The following ATP2C1 variants were observed in gnomAD, a reference collection of about 807,000 sequenced individuals.
ATP2C1 encodes ATPase secretory pathway Ca2+ transporting 1.
In ATP2C1, 31 loss-of-function variants were observed where a neutral mutation model predicts 120.5. The observed-to-expected ratio is 0.26, with a 90% CI of 0.19 to 0.35. The LOEUF is 0.35. Among genes scored for constraint, ATP2C1 ranks in the 10% least tolerant of loss-of-function variants. The pLI is 1.00. For missense variants in ATP2C1, 731 were observed against 1,107.5 expected, an observed-to-expected ratio of 0.66 and a Z score of 4.83; for synonymous variants, 351 against 358.7, an observed-to-expected ratio of 0.98 and a Z score of 0.24.
At chr3:130,955,984 TG>T (rs1176565300) in intron 10 of ATP2C1, 119 bp from the exon 11 acceptor site, 20 of 726,298 alleles carry the variant, frequency 2.8e-5, no homozygotes, top group Non-Finnish European at 5.1e-5. Context: ...ATTTACCTTA[TG>T]GGAGAGTTGT....
Position 131,001,447 on chromosome 3 carries a change from T to A in ATP2C1, c.*97T>A. On this transcript the variant is annotated 3_prime_UTR_variant, in exon 28 of 28. Coordinates refer to ENST00000510168, the MANE Select transcript of ATP2C1 (RefSeq NM_001378687.1). ...AGGATATGAAGATTTGAGAACTTTT[T>A]AACTATTCATTGACTAAAAATGAAC... The A allele has an allele frequency of 1.3e-6, 2 of 1,497,702 alleles. No individual in the cohort carries two copies. Among genetic ancestry groups the A allele is most frequent in the South Asian group, 1.3e-5 (1 of 74,876 alleles). The allele number at this position is 1,497,702 out of a possible 1,614,324, so 92.8% of individuals were successfully genotyped here. A position where few individuals can be genotyped will look rare whatever the true frequency, so the allele number is the denominator to read the frequency against.
At chr3:130,982,574 A>C (rs1022971381) in intron 20 of ATP2C1, among the ~76,000 whole-genome samples, 6 of 152,300 alleles carry the variant, frequency 3.9e-5, no homozygotes, top group African/African-American at 1.4e-4. Flanking sequence ...ATGCACATCT[A>C]TTTGTATGTC....
At chr3:130,965,339 A>G (rs2061005373) in intron 14 of ATP2C1, among the ~76,000 whole-genome samples, 1 of 152,074 alleles carries the variant, frequency 6.6e-6, no homozygotes, top group Admixed American at 6.6e-5. Flanking sequence ...CATCTACTTT[A>G]TAGCCAGCTT....
intron 1 of ATP2C1, among the ~76,000 whole-genome samples, chr3:130,864,113 G>C (rs1045012336): frequency 4.6e-5 from 7 of 152,204 alleles, no homozygotes; most frequent in African/African-American, 1.4e-4. Context: ...GAATGGCTTT[G>C]TCCAAAATGC....
intron 21 of ATP2C1, 65 bp downstream of exon 21, chr3:130,993,066 A>T: frequency 7.1e-7 from 1 of 1,406,574 alleles, no homozygotes; most frequent in Non-Finnish European, 1.0e-6. Context: ...TACTTTTGTT[A>T]TGTTTGCATT....
chr3:130,864,501 T>C (rs936613837), intron 1 of ATP2C1, among the ~76,000 whole-genome samples: 1 of 152,264 alleles, frequency 6.6e-6, no homozygotes, highest in Non-Finnish European at 1.5e-5. Context: ...AGGAGCCTAA[T>C]GATAATCCCC....
At chr3:130,969,264 G>C (rs762328828) in intron 16 of ATP2C1, 28 bp from the exon 17 acceptor site, 1 of 1,492,880 alleles carries the variant, frequency 6.7e-7, no homozygotes, top group Non-Finnish European at 9.3e-7. Flanking sequence ...ATATAGGTGA[G>C]AATTAACTTT....
Position 130,959,337 on chromosome 3 carries a change from G to T in ATP2C1, c.895G>T (p.Val299Leu), listed in dbSNP as rs768377452. 1 of 1,601,090 alleles carries T rather than the reference G, an allele frequency of 6.2e-7. No individual in the cohort carries two copies. ...TATCCTGGAAATGTTTACTATTAGTGTAAGGTAAGTCTCAATACTTTATAA... is the reference window on the plus strand; with the variant it reads ...TATCCTGGAAATGTTTACTATTAGTTTAAGGTAAGTCTCAATACTTTATAA... ...KDILEMFTIS[V>L]SLAVAAIPEG... Residue 299 changes from valine (V) to leucine (L), a missense_variant, in exon 12 of 28, where the codon GTA becomes TTA. Coordinates refer to ENST00000510168, the MANE Select transcript of ATP2C1 (RefSeq NM_001378687.1).
Position 130,964,247 on chromosome 3 carries a change from G to A in ATP2C1, c.1024+152G>A, listed in dbSNP as rs554213441. 47 of 1,146,344 alleles carry A rather than the reference G, an allele frequency of 4.1e-5. No individual in the cohort carries two copies. The South Asian group carries it at 6.4e-4, about 16-fold the overall frequency. The allele number at this position is 1,146,344 out of a possible 1,614,324, so 71.0% of individuals were successfully genotyped here. A position where few individuals can be genotyped will look rare whatever the true frequency, so the allele number is the denominator to read the frequency against. On this transcript the variant is annotated intron_variant, in intron 13 of 27. Transcript: ENST00000510168. ...GGATATGGTTTTAACAACCAAAAAA[G>A]GCAATTAAAAATTCCTATCCCTTAG...
chr3:130,935,130 G>T (rs190476526), intron 5 of ATP2C1, among the ~76,000 whole-genome samples: 3 of 152,124 alleles, frequency 2.0e-5, no homozygotes, highest in Non-Finnish European at 4.4e-5. Context: ...CACTGTGCCT[G>T]GCTCAAATTC....
chr3:130,906,621 G>A (rs1027239454), intron 2 of ATP2C1, among the ~76,000 whole-genome samples: 17 of 150,258 alleles, frequency 1.1e-4, no homozygotes, highest in Admixed American at 1.1e-3. Flanking sequence ...CCCACTAGCA[G>A]TGTATGAGGC....
chr3:131,002,649 A>G lies in ATP2C1; in HGVS notation c.*1299A>G, dbSNP rs1057463615. On this transcript the variant is annotated 3_prime_UTR_variant, in exon 28 of 28. Coordinates refer to ENST00000510168, the MANE Select transcript of ATP2C1 (RefSeq NM_001378687.1). ...AAATTTGTTTTTCTGTTGAGTATAT[A>G]AACAAAAATTGGTCCCAATTCTAAC... is the stretch of plus-strand genomic sequence containing the variant. 2.3e-5 allele frequency: 23 copies of G among 985,400 alleles called. No individual in the cohort carries two copies. The highest frequency in any genetic ancestry group is 1.4e-4 in the African/African-American group (8 of 57,362). 61.0% of individuals were successfully genotyped at this position (985,400 alleles called of 1,614,324 possible).
chr3:130,938,328 A>C (rs1325808276), intron 6 of ATP2C1, among the ~76,000 whole-genome samples: 1 of 152,242 alleles, frequency 6.6e-6, no homozygotes, highest in Admixed American at 6.5e-5. Context: ...CATGGTTAAC[A>C]AGAATAGAAT....
Position 131,001,409 on chromosome 3 carries a change from G to T in ATP2C1, c.*59G>T. 4 of 1,595,212 alleles carry T rather than the reference G, an allele frequency of 2.5e-6. No individual in the cohort carries two copies. The highest frequency in any genetic ancestry group is 2.6e-6 in the Non-Finnish European group (3 of 1,170,630). On this transcript the variant is annotated 3_prime_UTR_variant, in exon 28 of 28. Coordinates refer to ENST00000510168, the MANE Select transcript of ATP2C1 (RefSeq NM_001378687.1). ...ATTGCAGTCTGAGGATCATTTAGAA[G>T]GGCAAGTTCAAGAGGATATGAAGAT... is the stretch of plus-strand genomic sequence containing the variant.
At chr3:130,914,534 A>C (rs1336739300) in intron 2 of ATP2C1, 2 of 152,252 alleles carry the variant, frequency 1.3e-5, no homozygotes, top group Non-Finnish European at 2.9e-5. Context: ...GTGTTCAATA[A>C]TATCATTCTG....
chr3:130,950,162 C>A (rs962697371), intron 8 of ATP2C1, among the ~76,000 whole-genome samples: 4 of 152,120 alleles, frequency 2.6e-5, no homozygotes, highest in African/African-American at 7.2e-5. Context: ...ATTTTCCAAT[C>A]ATTTTTATTG....
At chr3:130,910,514 C>T (rs2058354089) in intron 2 of ATP2C1, among the ~76,000 whole-genome samples, 1 of 142,898 alleles carries the variant, frequency 7.0e-6, no homozygotes, top group Non-Finnish European at 1.5e-5. Context: ...GAGGGCATCC[C>T]TGTCTTGTGC....
chr3:130,895,666 A>G (rs572191483), intron 2 of ATP2C1, among the ~76,000 whole-genome samples: 7 of 152,188 alleles, frequency 4.6e-5, no homozygotes, highest in Admixed American at 2.0e-4. Flanking sequence ...TTTAAAAAAT[A>G]TGTGTCTGGT....
chr3:130,931,557 C>T (rs1056347944), intron 3 of ATP2C1, among the ~76,000 whole-genome samples: 36 of 152,032 alleles, frequency 2.4e-4, no homozygotes, highest in African/African-American at 7.7e-4. Flanking sequence ...GGCGAAACAA[C>T]AATGAAAAGG....
Sources: gnomAD v4.1 joint callset for allele counts (sites outside exome capture counted in the v4.1 genomes callset) on GRCh38, gnomAD v4.1.1 for gene constraint, MANE v1.5 for transcripts, NCBI Gene and HGNC (gene_info 2026-07-23, HGNC 2026-07-21) for gene names.